NRIP1: variants seen among roughly 807,000 people sequenced by gnomAD.
NRIP1 encodes the protein nuclear receptor-interacting protein 1.
A neutral mutation model predicts 75.0 loss-of-function variants in NRIP1; 28 were observed. The ratio of observed to expected loss-of-function variants is 0.37; its 90% confidence interval spans 0.28 to 0.51. The LOEUF is 0.51. Among genes scored for constraint, NRIP1 ranks in the 20% least tolerant of loss-of-function variants. The pLI is 0.92. For synonymous variants in NRIP1, 526 were observed against 487.6 expected (o/e 1.08, Z -1.04); for missense variants, 1,435 against 1,343.7 (o/e 1.07, Z -1.06).
At chr21:15,054,187 C>T (rs1403417938) in intron 1 of NRIP1, among the ~76,000 whole-genome samples, 1 of 152,056 alleles carries the variant, frequency 6.6e-6, no homozygotes, top group Non-Finnish European at 1.5e-5. Context: ...GTTCTTGATA[C>T]CCTCTTAACT....
rs1425743283 is a variant in NRIP1, at chr21:15,064,729, C to G, written c.-538+16G>C. 1 of 149,694 alleles carries G rather than the reference C, an allele frequency of 6.7e-6. No homozygotes were observed. The highest frequency in any genetic ancestry group is 6.6e-5 in the Admixed American group (1 of 15,048). The allele number at this position is 149,694 out of a possible 1,614,324, so 9.3% of individuals were successfully genotyped here. ...CGGCCGCTACTCCTGGCGCCCTGGCCGCGGCCGTCACTCACCCCAGGCCGC... is the reference window on the plus strand; with the variant it reads ...CGGCCGCTACTCCTGGCGCCCTGGCGGCGGCCGTCACTCACCCCAGGCCGC... On this transcript the variant is annotated intron_variant, in intron 1 of 3. Coordinates refer to ENST00000318948, the MANE Select transcript of NRIP1 (RefSeq NM_003489.4).
chr21:14,998,606 AT>A (rs1435435326), intron 3 of NRIP1, among the ~76,000 whole-genome samples: 2 of 152,112 alleles, frequency 1.3e-5, no homozygotes, highest in Non-Finnish European at 2.9e-5. Flanking sequence ...TTATAAGCAA[AT>A]TTTCTTCCAT....
At chr21:15,027,324 C>T (rs1032442865) in intron 2 of NRIP1, among the ~76,000 whole-genome samples, 3 of 152,172 alleles carry the variant, frequency 2.0e-5, no homozygotes, top group Admixed American at 6.5e-5. Context: ...AATTCAAATA[C>T]ATTCCTGTTT....
At chr21:15,051,166 C>T (rs1466167460) in intron 1 of NRIP1, 6 of 320,358 alleles carry the variant, frequency 1.9e-5, no homozygotes, top group Non-Finnish European at 3.7e-5. Flanking sequence ...GAATGGCATG[C>T]TGTGCCTCCG....
chr21:14,985,041 G>A (rs938447387), intron 3 of NRIP1, among the ~76,000 whole-genome samples: 7 of 152,200 alleles, frequency 4.6e-5, no homozygotes, highest in African/African-American at 1.7e-4. Context: ...TTTCACTGCA[G>A]TGTCTGGAAT....
intron 1 of NRIP1, among the ~76,000 whole-genome samples, chr21:15,047,954 T>C (rs1393346152): frequency 6.6e-6 from 1 of 152,242 alleles, no homozygotes; most frequent in Non-Finnish European, 1.5e-5. Context: ...TTTAAATACT[T>C]AGCCATTATA....
At chr21:15,017,627 G>C (rs931957661) in intron 2 of NRIP1, among the ~76,000 whole-genome samples, 1 of 152,130 alleles carries the variant, frequency 6.6e-6, no homozygotes, top group African/African-American at 2.4e-5. Flanking sequence ...AAGTCAATAA[G>C]AGACTGAGGT....
chr21:15,039,959 G>C (rs2088917717), intron 2 of NRIP1, among the ~76,000 whole-genome samples: 1 of 152,110 alleles, frequency 6.6e-6, no homozygotes, highest in Non-Finnish European at 1.5e-5. Context: ...CTTACTGAAA[G>C]ATGGTACTTC....
intron 2 of NRIP1, among the ~76,000 whole-genome samples, chr21:15,022,194 T>C (rs1366047119): frequency 6.6e-6 from 1 of 152,196 alleles, no homozygotes; most frequent in East Asian, 1.9e-4. Flanking sequence ...ATATATACCA[T>C]GGAATACTAT....
intron 2 of NRIP1, among the ~76,000 whole-genome samples, chr21:15,022,808 A>G (rs1259404598): frequency 2.6e-5 from 4 of 152,228 alleles, no homozygotes; most frequent in Non-Finnish European, 5.9e-5. Context: ...ATTCCTGTGT[A>G]TATACAGAAG....
chr21:15,031,967 T>C (rs1326886050), intron 2 of NRIP1, among the ~76,000 whole-genome samples: 4 of 151,848 alleles, frequency 2.6e-5, no homozygotes, highest in African/African-American at 7.3e-5. Context: ...TCCCTTTCTA[T>C]GTGTGTACAC....
intron 3 of NRIP1, among the ~76,000 whole-genome samples, chr21:14,982,092 C>G (rs1019155845): frequency 5.3e-5 from 8 of 152,116 alleles, no homozygotes; most frequent in Middle Eastern, 3.2e-3. Flanking sequence ...TCAAGAGATC[C>G]TCCTGCCTTG....
At chr21:15,008,252 G>C (rs2088020641) in intron 3 of NRIP1, among the ~76,000 whole-genome samples, 1 of 152,176 alleles carries the variant, frequency 6.6e-6, no homozygotes, top group East Asian at 1.9e-4. Flanking sequence ...CAGGGATCAG[G>C]TTGAGGCAAG....
At chr21:14,986,602 A>T (rs1008226947) in intron 3 of NRIP1, among the ~76,000 whole-genome samples, 2 of 152,214 alleles carry the variant, frequency 1.3e-5, no homozygotes, top group South Asian at 2.1e-4. Context: ...TGAATGGGTA[A>T]GATTTAGAAA....
At chr21:15,027,336 T>C (rs1206678168) in intron 2 of NRIP1, among the ~76,000 whole-genome samples, 2 of 152,210 alleles carry the variant, frequency 1.3e-5, no homozygotes, top group Non-Finnish European at 2.9e-5. Flanking sequence ...TTCCTGTTTA[T>C]ACCAAGGGTT....
chr21:14,989,288 C>CA (rs1408929505), intron 3 of NRIP1, among the ~76,000 whole-genome samples: 1 of 152,076 alleles, frequency 6.6e-6, no homozygotes, highest in East Asian at 1.9e-4. Context: ...GCTAACAGCA[C>CA]AAAGAGGTAA....
rs1700834860 is a variant in NRIP1, at chr21:15,064,956, T to TCCTCCGCCGCCG, written c.-761_-750dup. On this transcript the variant is annotated 5_prime_UTR_variant, in exon 1 of 4. Coordinates refer to ENST00000318948, the MANE Select transcript of NRIP1 (RefSeq NM_003489.4). Reference sequence around the variant, plus strand: ...GTCGTCCCTGCGCCTCGCCGCCGCCTCCTCCGCCGCCGCCTCCCGAGTTCG... The same window carrying TCCTCCGCCGCCG: ...GTCGTCCCTGCGCCTCGCCGCCGCCTCCTCCGCCGCCGCCTCCGCCGCCGCCTCCCGAGTTCG... The TCCTCCGCCGCCG allele has an allele frequency of 6.7e-6, 1 of 150,192 alleles. No homozygotes were observed. The highest frequency in any genetic ancestry group is 1.5e-5 in the Non-Finnish European group (1 of 67,462). The allele number at this position is 150,192 out of a possible 1,614,324, so 9.3% of individuals were successfully genotyped here.
At chr21:14,986,959 A>G (rs1032392638) in intron 3 of NRIP1, among the ~76,000 whole-genome samples, 1 of 152,208 alleles carries the variant, frequency 6.6e-6, no homozygotes, top group African/African-American at 2.4e-5. Context: ...ACAGAATCAT[A>G]ATTTAAAGGT....
chr21:14,993,478 T>G (rs1046597556), intron 3 of NRIP1, among the ~76,000 whole-genome samples: 2 of 152,134 alleles, frequency 1.3e-5, no homozygotes, highest in African/African-American at 2.4e-5. Flanking sequence ...ACACTGAGGG[T>G]CAACCATTTG....
Sources: gnomAD v4.1 joint callset for allele counts (sites outside exome capture counted in the v4.1 genomes callset) on GRCh38, gnomAD v4.1.1 for gene constraint, MANE v1.5 for transcripts, NCBI Gene and HGNC (gene_info 2026-07-23, HGNC 2026-07-21) for gene names.